The following CPXM2 variants were observed in gnomAD, a reference collection of about 807,000 sequenced individuals.
The protein encoded by CPXM2 is inactive carboxypeptidase-like protein X2.
A neutral mutation model predicts 86.1 loss-of-function variants in CPXM2; 66 were observed. That is an observed-to-expected ratio of 0.77 (90% CI 0.63 to 0.94). The LOEUF (loss-of-function observed/expected upper bound fraction) is 0.94. CPXM2 is among the 40% of genes least tolerant of loss of function. CPXM2 has a pLI of 0.00. For synonymous variants in CPXM2, 388 were observed against 400.2 expected (o/e 0.97, Z 0.36); for missense variants, 948 against 1,026.3 (o/e 0.92, Z 1.04).
At chr10:123,809,202 C>T (rs1045506587) in intron 4 of CPXM2, among the ~76,000 whole-genome samples, 1 of 151,920 alleles carries the variant, frequency 6.6e-6, no homozygotes, top group African/African-American at 2.4e-5. Flanking sequence ...TAAGAACGGC[C>T]CCAAAGTGCA....
chr10:123,835,278 A>T (rs1848255442), intron 4 of CPXM2, among the ~76,000 whole-genome samples: 1 of 152,090 alleles, frequency 6.6e-6, no homozygotes, highest in Non-Finnish European at 1.5e-5. Context: ...AGGACCCTCA[A>T]ATAAAGCGGG....
Position 123,746,401 on chromosome 10 carries a change from C to T in CPXM2, c.*363G>A. 1 of 261,164 alleles carries T rather than the reference C, an allele frequency of 3.8e-6. No homozygotes were observed. The highest frequency in any genetic ancestry group is 7.3e-6 in the Non-Finnish European group (1 of 137,636). 16.2% of individuals were successfully genotyped at this position (261,164 alleles called of 1,614,324 possible). A position where few individuals can be genotyped will look rare whatever the true frequency, so the allele number is the denominator to read the frequency against. On this transcript the variant is annotated 3_prime_UTR_variant, in exon 14 of 14. Coordinates refer to ENST00000241305, the MANE Select transcript of CPXM2 (RefSeq NM_198148.3). ...GCAAATTGCAAATGCACGTGGAACC[C>T]TTGCTGCCACGCAAACAGGGGAAGC...
rs1403245466 is a variant in CPXM2, at chr10:123,854,440, C to T, written c.513+8174G>A. Among the ~76,000 whole-genome samples, 522 of 111,572 alleles carry T rather than the reference C, an allele frequency of 4.7e-3. 5 individuals carry two copies. Among genetic ancestry groups the T allele is most frequent in the African/African-American group, 0.017 (492 of 28,996 alleles). The allele number at this position is 111,572 out of a possible 152,430, so 73.2% of individuals were successfully genotyped here. A position where few individuals can be genotyped will look rare whatever the true frequency, so the allele number is the denominator to read the frequency against. The stretch of plus-strand genomic sequence containing the variant: ...AAATATATAATATATATATAATATA[C>T]TTTTATATATAATATATATAATATA... On this transcript the variant is annotated intron_variant, in intron 3 of 13. Transcript: ENST00000241305.
intron 2 of CPXM2, among the ~76,000 whole-genome samples, chr10:123,878,723 C>T (rs546508155): frequency 1.2e-4 from 18 of 152,108 alleles, no homozygotes; most frequent in Admixed American, 2.6e-4. Flanking sequence ...TGAAGAAATA[C>T]GTTTATTTCT....
chr10:123,895,101 CTTTTTTT>C (rs1001049091), upstream of CPXM2, among the ~76,000 whole-genome samples: 338 of 124,252 alleles, frequency 2.7e-3, 4 homozygotes, highest in Admixed American at 0.024. Context: ...AAGACAGATT[CTTTTTTT>C]TTTCTTTTTT....
chr10:123,878,969 G>A (rs1945037326), intron 2 of CPXM2, among the ~76,000 whole-genome samples: 2 of 152,168 alleles, frequency 1.3e-5, no homozygotes. Context: ...TCAGGGTCAA[G>A]CAGCAGAAAC....
At chr10:123,883,635 C>A (rs890658766) in intron 1 of CPXM2, among the ~76,000 whole-genome samples, 4 of 152,202 alleles carry the variant, frequency 2.6e-5, no homozygotes, top group Admixed American at 2.0e-4. Context: ...AAAATTGACA[C>A]GGCATTTTCA....
intron 3 of CPXM2, among the ~76,000 whole-genome samples, chr10:123,848,310 T>C (rs960321488): frequency 6.6e-6 from 1 of 152,234 alleles, no homozygotes; most frequent in Non-Finnish European, 1.5e-5. Flanking sequence ...CTGATCCTTC[T>C]GCAAATTGGC....
chr10:123,849,518 G>A (rs1250181297), intron 3 of CPXM2, among the ~76,000 whole-genome samples: 1 of 141,758 alleles, frequency 7.1e-6, no homozygotes, highest in Non-Finnish European at 1.5e-5. Context: ...TCAGCTCACT[G>A]CAACCTCTGC....
At chr10:123,861,333 T>C (rs1848844878) in intron 3 of CPXM2, among the ~76,000 whole-genome samples, 1 of 152,004 alleles carries the variant, frequency 6.6e-6, no homozygotes, top group Non-Finnish European at 1.5e-5. Flanking sequence ...ATGGTGCCAT[T>C]AGAGAGCCAC....
intron 9 of CPXM2, 44 bp downstream of exon 9, chr10:123,768,482 T>C: frequency 6.5e-7 from 1 of 1,533,778 alleles, no homozygotes; most frequent in Non-Finnish European, 8.9e-7. Context: ...AGCTGGGGCC[T>C]CGCTGCCCAT....
chr10:123,777,810 A>T (rs1482249331), intron 7 of CPXM2: 2 of 152,292 alleles, frequency 1.3e-5, no homozygotes, highest in Non-Finnish European at 2.9e-5. Context: ...CCCATCCCCC[A>T]TGACTGTAAG....
chr10:123,923,346 C>A (rs140301692), intron 2 of CPXM2, among the ~76,000 whole-genome samples: 3,415 of 151,376 alleles, frequency 0.023, 105 homozygotes, highest in East Asian at 0.091. Context: ...TTTGGGAGGC[C>A]GAGGCGGGCG....
chr10:123,905,525 C>T (rs769927365), intron 2 of CPXM2, among the ~76,000 whole-genome samples: 34 of 152,326 alleles, frequency 2.2e-4, no homozygotes, highest in Middle Eastern at 6.8e-3. Flanking sequence ...AGCTTGACCA[C>T]AGCTCTGAAG....
intron 3 of CPXM2, among the ~76,000 whole-genome samples, chr10:123,851,715 G>A (rs1421653712): frequency 1.3e-5 from 2 of 149,024 alleles, no homozygotes; most frequent in African/African-American, 5.0e-5. Context: ...GTTGCAGTGA[G>A]CCAAGATCAC....
At chr10:123,916,690 T>G (rs1945535712) in intron 2 of CPXM2, among the ~76,000 whole-genome samples, 2 of 152,218 alleles carry the variant, frequency 1.3e-5, no homozygotes, top group Admixed American at 1.3e-4. Flanking sequence ...AATTAATGTT[T>G]GTTGGTTTGA....
At chr10:123,837,381 A>G (rs1284205762) in intron 4 of CPXM2, among the ~76,000 whole-genome samples, 1 of 152,232 alleles carries the variant, frequency 6.6e-6, no homozygotes, top group Non-Finnish European at 1.5e-5. Flanking sequence ...CCCACTTAAA[A>G]GACAAATGCA....
intron 3 of CPXM2, among the ~76,000 whole-genome samples, chr10:123,851,071 A>G (rs1238113930): frequency 6.6e-6 from 1 of 152,000 alleles, no homozygotes; most frequent in Admixed American, 6.5e-5. Context: ...TGCGGCTTTC[A>G]TTTGTATTTA....
chr10:123,895,815 TC>T (rs541904997), upstream of CPXM2, among the ~76,000 whole-genome samples: 293 of 152,146 alleles, frequency 1.9e-3, 1 homozygote, highest in African/African-American at 7.0e-3. Flanking sequence ...CAGTTCAGAA[TC>T]CCCCCCAGTT....
Sources: gnomAD v4.1 joint callset for allele counts (sites outside exome capture counted in the v4.1 genomes callset) on GRCh38, gnomAD v4.1.1 for gene constraint, MANE v1.5 for transcripts, NCBI Gene and HGNC (gene_info 2026-07-23, HGNC 2026-07-21) for gene names.